The following TMEM132D variants were observed in gnomAD, a reference collection of about 807,000 sequenced individuals.
TMEM132D encodes mature OL transmembrane protein.
Under a neutral mutation model 62.3 loss-of-function variants are expected in TMEM132D, and 21 were observed. That is an observed-to-expected ratio of 0.34 (90% CI 0.24 to 0.49). The LOEUF (loss-of-function observed/expected upper bound fraction) is 0.49. Ranked by LOEUF, TMEM132D falls within the 20% of genes least tolerant of loss-of-function variation. The probability of loss-of-function intolerance (pLI) is 0.99; values close to 1 mark genes in which losing one functional copy is unlikely to be tolerated. For synonymous variants in TMEM132D, 621 were observed against 575.6 expected (o/e 1.08, Z -1.13); for missense variants, 1,346 against 1,402.8 (o/e 0.96, Z 0.65).
intron 5 of TMEM132D, among the ~76,000 whole-genome samples, chr12:129,126,603 G>T (rs1876221269): frequency 6.6e-6 from 1 of 152,156 alleles, no homozygotes; most frequent in South Asian, 2.1e-4. Flanking sequence ...TGCCATCAGG[G>T]TGGGGGGTGA....
At chr12:129,162,357 C>CCAGCCT (rs1200711172) in intron 5 of TMEM132D, among the ~76,000 whole-genome samples, 1 of 152,208 alleles carries the variant, frequency 6.6e-6, no homozygotes, top group Non-Finnish European at 1.5e-5. Flanking sequence ...TGTTAGACAT[C>CCAGCCT]CAGCCTCCAA....
chr12:129,289,381 T>C (rs2135617740), intron 4 of TMEM132D, among the ~76,000 whole-genome samples: 1 of 151,516 alleles, frequency 6.6e-6, no homozygotes, highest in East Asian at 2.0e-4. Flanking sequence ...CCGTCTCTAC[T>C]AAAAATACAA....
intron 5 of TMEM132D, among the ~76,000 whole-genome samples, chr12:129,178,433 GTTT>G (rs60615317): frequency 0.053 from 7,517 of 140,976 alleles, 264 homozygotes; most frequent in African/African-American, 0.1. Flanking sequence ...ACCAGCATCT[GTTT>G]TTTTTTTTTT....
intron 5 of TMEM132D, among the ~76,000 whole-genome samples, chr12:129,183,942 C>T (rs926558261): frequency 3.3e-5 from 5 of 152,132 alleles, no homozygotes; most frequent in Non-Finnish European, 7.4e-5. Context: ...CTGTTGTCTC[C>T]GAAACAAAGG....
At chr12:129,511,792 G>A (rs1165414515) in intron 3 of TMEM132D, among the ~76,000 whole-genome samples, 1 of 152,116 alleles carries the variant, frequency 6.6e-6, no homozygotes, top group Non-Finnish European at 1.5e-5. Context: ...ATATTCTGTG[G>A]TTTATATATT....
At chr12:129,464,180 G>A (rs922596546) in intron 3 of TMEM132D, among the ~76,000 whole-genome samples, 1 of 151,486 alleles carries the variant, frequency 6.6e-6, no homozygotes, top group Non-Finnish European at 1.5e-5. Context: ...ACTGGTGTGA[G>A]ATGGTATCTC....
intron 3 of TMEM132D, among the ~76,000 whole-genome samples, chr12:129,507,537 A>T (rs1471279469): frequency 6.6e-6 from 1 of 152,240 alleles, no homozygotes; most frequent in Non-Finnish European, 1.5e-5. Context: ...ATAAGAAGTA[A>T]TGAATTAATG....
chr12:129,307,656 C>T (rs1304151246), intron 4 of TMEM132D, among the ~76,000 whole-genome samples: 2 of 152,122 alleles, frequency 1.3e-5, no homozygotes, highest in Non-Finnish European at 2.9e-5. Flanking sequence ...TCAACACTCA[C>T]ATAACCCTGG....
intron 2 of TMEM132D, among the ~76,000 whole-genome samples, chr12:129,684,232 G>C (rs1031112752): frequency 6.6e-6 from 1 of 152,162 alleles, no homozygotes; most frequent in Non-Finnish European, 1.5e-5. Flanking sequence ...TCATCAGAAA[G>C]ATCCAGTGGG....
intron 1 of TMEM132D, among the ~76,000 whole-genome samples, chr12:129,708,982 G>A (rs1881574145): frequency 6.6e-6 from 1 of 152,126 alleles, no homozygotes; most frequent in South Asian, 2.1e-4. Context: ...AGTGAGTGTG[G>A]AAGACCTACT....
intron 1 of TMEM132D, among the ~76,000 whole-genome samples, chr12:129,892,993 C>T (rs1444046760): frequency 1.3e-5 from 2 of 152,166 alleles, no homozygotes; most frequent in African/African-American, 4.8e-5. Context: ...TCTCCTGCCT[C>T]AGCCTTCTGA....
At chr12:129,760,999 A>G (rs1158863594) in intron 1 of TMEM132D, among the ~76,000 whole-genome samples, 1 of 151,900 alleles carries the variant, frequency 6.6e-6, no homozygotes, top group African/African-American at 2.4e-5. Context: ...CTGTTTCTTT[A>G]TAAGTTCTAC....
intron 2 of TMEM132D, among the ~76,000 whole-genome samples, chr12:129,608,378 C>A (rs1878682978): frequency 6.6e-6 from 1 of 152,118 alleles, no homozygotes; most frequent in African/African-American, 2.4e-5. Context: ...TGTTTTCAGT[C>A]TGCAAAAATG....
chr12:129,873,998 C>T (rs757518431), intron 1 of TMEM132D, among the ~76,000 whole-genome samples: 8 of 152,138 alleles, frequency 5.3e-5, no homozygotes, highest in African/African-American at 4.8e-5. Context: ...CTTCCTCTCC[C>T]GCACTAAACC....
At chr12:129,151,014 C>T (rs1194153246) in intron 5 of TMEM132D, among the ~76,000 whole-genome samples, 1 of 152,118 alleles carries the variant, frequency 6.6e-6, no homozygotes, top group East Asian at 1.9e-4. Flanking sequence ...CTGGAGGATC[C>T]CAGAAGCCCA....
intron 2 of TMEM132D, among the ~76,000 whole-genome samples, chr12:129,695,562 A>G (rs1048541510): frequency 2.0e-5 from 3 of 152,238 alleles, no homozygotes; most frequent in African/African-American, 7.2e-5. Flanking sequence ...GAATACACCA[A>G]CATCTGTCCT....
chr12:129,318,991 T>C (rs1241869642), intron 4 of TMEM132D, among the ~76,000 whole-genome samples: 1 of 152,040 alleles, frequency 6.6e-6, no homozygotes, highest in East Asian at 1.9e-4. Flanking sequence ...CAACAGTCTG[T>C]CTCCAGGCGG....
intron 3 of TMEM132D, among the ~76,000 whole-genome samples, chr12:129,363,321 C>A (rs527782253): frequency 1.3e-5 from 2 of 152,334 alleles, no homozygotes; most frequent in South Asian, 4.1e-4. Context: ...AAATCTAACA[C>A]CGTCAGCTCA....
chr12:129,190,082 A>C, intron 5 of TMEM132D, among the ~76,000 whole-genome samples: 1 of 125,834 alleles, frequency 7.9e-6, no homozygotes, highest in African/African-American at 3.0e-5. Flanking sequence ...CAGATGGAGG[A>C]AGGGAGTCTC....
Sources: allele counts gnomAD v4.1 joint callset (sites outside exome capture counted in the v4.1 genomes callset), GRCh38; gene constraint gnomAD v4.1.1; transcripts MANE v1.5; gene names NCBI Gene and HGNC (gene_info 2026-07-23, HGNC 2026-07-21).